ROBO1: variants seen among roughly 807,000 people sequenced by gnomAD.
ROBO1 encodes the protein roundabout guidance receptor 1, also known as roundabout homolog 1.
ROBO1 carries 149 observed loss-of-function variants against 195.9 expected under a neutral mutation model. The ratio of observed to expected loss-of-function variants is 0.76; its 90% CI spans 0.67 to 0.87. The LOEUF is 0.87. Among genes scored for constraint, ROBO1 ranks in the 40% least tolerant of loss-of-function variants. The pLI, the probability that ROBO1 is intolerant of heterozygous loss-of-function variation, is 0.00. For synonymous variants in ROBO1, 816 were observed against 733.2 expected, an observed-to-expected ratio of 1.11 and a Z score of -1.82; for missense variants, 1,933 against 2,068.3, an observed-to-expected ratio of 0.93 and a Z score of 1.27.
chr3:78,765,525 G>A lies in ROBO1; in HGVS notation c.500-18625C>T, dbSNP rs149431880. Among the ~76,000 whole-genome samples, 22 of 151,988 alleles carry A rather than the reference G, an allele frequency of 1.4e-4. No homozygotes were observed. The East Asian group carries it at 4.3e-3, about 29-fold the overall frequency. The stretch of plus-strand genomic sequence containing the variant: ...ACTTGAAAAAAAGACACTTCATGAA[G>A]ATAGTGCTTTTACTAAGCGAAAGAG... On this transcript the variant is annotated intron_variant, in intron 4 of 30. Transcript: ENST00000464233.
At chr3:79,420,424 C>T (rs943541545) in intron 2 of ROBO1, among the ~76,000 whole-genome samples, 1 of 152,014 alleles carries the variant, frequency 6.6e-6, no homozygotes, top group Admixed American at 6.6e-5. Context: ...ATAAATGTGG[C>T]TTTTGTGATA....
chr3:79,376,720 T>C (rs1168542805), intron 2 of ROBO1, among the ~76,000 whole-genome samples: 1 of 152,198 alleles, frequency 6.6e-6, no homozygotes, highest in African/African-American at 2.4e-5. Context: ...CTCTTTCCTT[T>C]ATAAGTTACA....
chr3:78,924,047 A>G (rs1403048779), intron 4 of ROBO1, among the ~76,000 whole-genome samples: 2 of 152,148 alleles, frequency 1.3e-5, no homozygotes, highest in Non-Finnish European at 2.9e-5. Context: ...ATACACATAT[A>G]TAAATACATA....
chr3:79,650,834 G>T (rs1244505549), intron 1 of ROBO1, among the ~76,000 whole-genome samples: 1 of 151,680 alleles, frequency 6.6e-6, no homozygotes, highest in Non-Finnish European at 1.5e-5. Flanking sequence ...GCCTGAGTCA[G>T]AAAAAATAAA....
intron 3 of ROBO1, among the ~76,000 whole-genome samples, chr3:79,112,811 G>T (rs1200795313): frequency 2.6e-5 from 4 of 151,984 alleles, no homozygotes; most frequent in African/African-American, 9.6e-5. Context: ...ATACCTAATG[G>T]TAAATGATGG....
intron 1 of ROBO1, among the ~76,000 whole-genome samples, chr3:79,692,577 A>G (rs751408693): frequency 1.8e-4 from 28 of 151,946 alleles, no homozygotes; most frequent in Non-Finnish European, 3.5e-4. Flanking sequence ...CAGGAAGACA[A>G]GTCCTGCAGG....
At chr3:79,681,252 A>C (rs1252827041) in intron 1 of ROBO1, among the ~76,000 whole-genome samples, 1 of 151,982 alleles carries the variant, frequency 6.6e-6, no homozygotes, top group African/African-American at 2.4e-5. Flanking sequence ...TAAAAATTCC[A>C]AAGAATGGAA....
chr3:79,469,268 A>C (rs1270298830), intron 2 of ROBO1, among the ~76,000 whole-genome samples: 2 of 152,182 alleles, frequency 1.3e-5, no homozygotes, highest in African/African-American at 4.8e-5. Flanking sequence ...ATTAGCAAAA[A>C]ATCAATATGT....
chr3:79,173,421 C>G (rs1299337196), intron 2 of ROBO1, among the ~76,000 whole-genome samples: 1 of 151,894 alleles, frequency 6.6e-6, no homozygotes, highest in African/African-American at 2.4e-5. Flanking sequence ...TCGGCGGGCC[C>G]GCACTCCGAG....
At chr3:79,208,825 G>T (rs1378452586) in intron 2 of ROBO1, among the ~76,000 whole-genome samples, 1 of 151,620 alleles carries the variant, frequency 6.6e-6, no homozygotes, top group East Asian at 1.9e-4. Context: ...TGAAGCCAGA[G>T]CTAGATCTTG....
intron 2 of ROBO1, among the ~76,000 whole-genome samples, chr3:79,476,017 A>T (rs981453276): frequency 6.6e-5 from 10 of 152,068 alleles, no homozygotes; most frequent in Admixed American, 6.6e-4. Flanking sequence ...CTGTTGAAGG[A>T]CTAATCCACA....
At chr3:78,790,217 C>T (rs1380366816) in intron 4 of ROBO1, among the ~76,000 whole-genome samples, 3 of 152,142 alleles carry the variant, frequency 2.0e-5, no homozygotes, top group Non-Finnish European at 2.9e-5. Flanking sequence ...GGTCTTAGAC[C>T]TCACTCCACC....
At chr3:78,704,431 C>T (rs1288781441) in intron 8 of ROBO1, among the ~76,000 whole-genome samples, 1 of 152,044 alleles carries the variant, frequency 6.6e-6, no homozygotes, top group Non-Finnish European at 1.5e-5. Context: ...CACAGATTTA[C>T]AAAGTAGGCC....
chr3:78,951,216 C>T (rs943398706), intron 3 of ROBO1, among the ~76,000 whole-genome samples: 1 of 151,702 alleles, frequency 6.6e-6, no homozygotes, highest in African/African-American at 2.4e-5. Context: ...TCAGTGATTG[C>T]AGTCTTCCAC....
chr3:79,607,675 T>G (rs974563129), intron 1 of ROBO1, among the ~76,000 whole-genome samples: 6 of 151,952 alleles, frequency 3.9e-5, no homozygotes, highest in Admixed American at 6.6e-5. Context: ...CTTCTTAAAT[T>G]AATTTTTTCT....
intron 8 of ROBO1, among the ~76,000 whole-genome samples, chr3:78,689,280 A>C (rs142417444): frequency 0.01 from 1,575 of 152,318 alleles, 18 homozygotes; most frequent in Non-Finnish European, 0.017. Context: ...AGTGGAATCA[A>C]ATGCCTCTTT....
chr3:79,235,525 G>C (rs1426708327), intron 2 of ROBO1, among the ~76,000 whole-genome samples: 1 of 152,052 alleles, frequency 6.6e-6, no homozygotes, highest in Admixed American at 6.6e-5. Flanking sequence ...ACTTATCTGG[G>C]AATAGCTCAC....
chr3:79,136,212 G>T, intron 2 of ROBO1, among the ~76,000 whole-genome samples: 1 of 152,004 alleles, frequency 6.6e-6, no homozygotes, highest in East Asian at 1.9e-4. Context: ...AAAGCCTGTT[G>T]GTTTAAATTC....
intron 4 of ROBO1, among the ~76,000 whole-genome samples, chr3:78,841,119 C>G (rs1468799531): frequency 6.6e-6 from 1 of 150,774 alleles, no homozygotes. Context: ...GTCAATAAGG[C>G]AATGTTGTAT....
Sources: gnomAD v4.1 joint callset for allele counts (sites outside exome capture counted in the v4.1 genomes callset) on GRCh38, gnomAD v4.1.1 for gene constraint, MANE v1.5 for transcripts, NCBI Gene and HGNC (gene_info 2026-07-23, HGNC 2026-07-21) for gene names.